SKI: variants seen among roughly 807,000 people sequenced by gnomAD.
SKI encodes ski oncogene.
In SKI, 23 loss-of-function variants were observed where a neutral mutation model predicts 59.3. The ratio of observed to expected loss-of-function variants is 0.39; its 90% confidence interval spans 0.28 to 0.55. SKI has a LOEUF of 0.55. SKI is among the 20% of genes least tolerant of loss of function. SKI has a pLI of 0.67. For missense variants in SKI, 1,017 were observed against 1,038.9 expected, an observed-to-expected ratio of 0.98 and a Z score of 0.29; for synonymous variants, 673 against 488.6, an observed-to-expected ratio of 1.38 and a Z score of -4.98.
At chr1:2,305,134 GACAC>G (rs146052894) in intron 5 of SKI, among the ~76,000 whole-genome samples, 2 of 152,148 alleles carry the variant, frequency 1.3e-5, no homozygotes, top group South Asian at 2.1e-4. Context: ...GGCCCGCACA[GACAC>G]ACACACACCC....
At chr1:2,292,644 C>T (rs1000721104) in intron 1 of SKI, among the ~76,000 whole-genome samples, 3 of 152,314 alleles carry the variant, frequency 2.0e-5, no homozygotes, top group African/African-American at 4.8e-5. Flanking sequence ...TTTTCAGATG[C>T]GGTGCCCACC....
chr1:2,277,940 C>G (rs555222871), intron 1 of SKI, among the ~76,000 whole-genome samples: 2 of 151,966 alleles, frequency 1.3e-5, no homozygotes, highest in South Asian at 2.1e-4. Flanking sequence ...TACACACATG[C>G]ACCAGCACCC....
chr1:2,230,171 C>G (rs1638601306), intron 1 of SKI, among the ~76,000 whole-genome samples: 1 of 152,222 alleles, frequency 6.6e-6, no homozygotes, highest in Non-Finnish European at 1.5e-5. Flanking sequence ...GTCCTCGCCC[C>G]GAAGGCACCC....
chr1:2,285,418 G>C (rs773184188), intron 1 of SKI, among the ~76,000 whole-genome samples: 1 of 151,914 alleles, frequency 6.6e-6, no homozygotes, highest in Non-Finnish European at 1.5e-5. Context: ...GGGAGGCTGA[G>C]GCAGGAGAAT....
At chr1:2,239,260 T>G (rs1402794087) in intron 1 of SKI, among the ~76,000 whole-genome samples, 1 of 152,270 alleles carries the variant, frequency 6.6e-6, no homozygotes, top group African/African-American at 2.4e-5. Context: ...AAAACTGTGA[T>G]TTTTGTTAAC....
At chr1:2,298,901 G>A (rs1350688168) in intron 1 of SKI, among the ~76,000 whole-genome samples, 1 of 152,212 alleles carries the variant, frequency 6.6e-6, no homozygotes. Flanking sequence ...ACTCACTCCC[G>A]CCTCCCCGGA....
At chr1:2,231,745 C>T (rs367905676) in intron 1 of SKI, among the ~76,000 whole-genome samples, 5 of 152,350 alleles carry the variant, frequency 3.3e-5, no homozygotes, top group East Asian at 1.9e-4. Flanking sequence ...CAGTGGTGTC[C>T]TCCGCCTGGC....
chr1:2,303,834 C>T lies in SKI; in HGVS notation c.1212-6C>T, dbSNP rs752765206. 9 of 1,612,392 alleles carry T rather than the reference C, an allele frequency of 5.6e-6. No individual in the cohort carries two copies. Among genetic ancestry groups the T allele is most frequent in the Admixed American group, 3.3e-5 (2 of 59,994 alleles). On this transcript the variant is annotated splice_region_variant and splice_polypyrimidine_tract_variant and intron_variant, in intron 3 of 6. Coordinates refer to ENST00000378536, the MANE Select transcript of SKI (RefSeq NM_003036.4). The surrounding 1 kb of genome is among the most constrained non-coding windows in gnomAD (Gnocchi z 5.6). ...GCACCTTCCCGACACCCGCCTGCCC[C>T]TCCAGCTTCTACTCCTACAAGAGCT... is the stretch of plus-strand genomic sequence containing the variant.
At position 2,308,513 on chromosome 1, in the gene SKI, C is replaced by CGTCAGCG. The variant is rs1204371527; in HGVS notation, c.*1750_*1756dup. The CGTCAGCG allele has an allele frequency of 1.3e-5, 2 of 152,146 alleles. No homozygotes were observed. The highest frequency in any genetic ancestry group is 2.9e-5 in the Non-Finnish European group (2 of 68,046). 9.4% of individuals were successfully genotyped at this position (152,146 alleles called of 1,614,324 possible). A position where few individuals can be genotyped will look rare whatever the true frequency, so the allele number is the denominator to read the frequency against. The stretch of plus-strand genomic sequence containing the variant: ...TCCACACCTCTGCCGTAGGTAGATC[C>CGTCAGCG]GTCAGCGGGCATTATTACCGTGTCT... On this transcript the variant is annotated 3_prime_UTR_variant, in exon 7 of 7. Transcript: ENST00000378536.
chr1:2,251,477 C>T (rs1639146404), intron 1 of SKI, among the ~76,000 whole-genome samples: 1 of 152,144 alleles, frequency 6.6e-6, no homozygotes, highest in Admixed American at 6.5e-5. Context: ...TTTCCCAGCT[C>T]TCAAGCGCCC....
rs1295984096 is a variant in SKI, at chr1:2,228,696, GGGGCGGCGGCGGGGGCCGGGGGGGCCC to G, written c.-65_-39del. 1 of 940,562 alleles carries G rather than the reference GGGGCGGCGGCGGGGGCCGGGGGGGCCC, an allele frequency of 1.1e-6. No individual in the cohort carries two copies. Among genetic ancestry groups the G allele is most frequent in the Non-Finnish European group, 1.3e-6 (1 of 792,736 alleles). 58.3% of individuals were successfully genotyped at this position (940,562 alleles called of 1,614,324 possible). ...GGCCGCGGGCGCCGCCGGGGCGCGC[GGGGCGGCGGCGGGGGCCGGGGGGGCCC>G]GGGCGCGCGGGAGCGGGAGCGGCCG... On this transcript the variant is annotated 5_prime_UTR_variant, in exon 1 of 7. Transcript: ENST00000378536.
At chr1:2,275,694 A>G (rs1639726885) in intron 1 of SKI, among the ~76,000 whole-genome samples, 1 of 152,050 alleles carries the variant, frequency 6.6e-6, no homozygotes, top group Admixed American at 6.5e-5. Context: ...TTGTATTTTT[A>G]GTAGAGACGG....
At chr1:2,300,686 G>C (rs536543650) in intron 1 of SKI, among the ~76,000 whole-genome samples, 37 of 152,212 alleles carry the variant, frequency 2.4e-4, no homozygotes, top group Non-Finnish European at 4.6e-4. Context: ...TGATGCTGCA[G>C]AGAGCCCGCC....
intron 1 of SKI, among the ~76,000 whole-genome samples, chr1:2,291,432 C>T (rs985874105): frequency 4.6e-5 from 7 of 152,194 alleles, no homozygotes; most frequent in East Asian, 1.9e-4. Flanking sequence ...CCAGACTTCC[C>T]GGGGTCAGCA....
chr1:2,241,584 G>A (rs555370844), intron 1 of SKI, among the ~76,000 whole-genome samples: 2 of 152,174 alleles, frequency 1.3e-5, no homozygotes, highest in Non-Finnish European at 2.9e-5. Context: ...TAGTAGAGAC[G>A]GGGTTTTACC....
At chr1:2,259,129 C>T (rs894734609) in intron 1 of SKI, among the ~76,000 whole-genome samples, 9 of 152,332 alleles carry the variant, frequency 5.9e-5, no homozygotes, top group African/African-American at 1.9e-4. Context: ...GACATGGTGG[C>T]TCCTCCGGAA....
At chr1:2,244,627 T>A (rs548369084) in intron 1 of SKI, among the ~76,000 whole-genome samples, 30 of 152,178 alleles carry the variant, frequency 2.0e-4, no homozygotes, top group Non-Finnish European at 4.1e-4. Flanking sequence ...AGTGTCTTTG[T>A]TAATTTGAAA....
intron 1 of SKI, among the ~76,000 whole-genome samples, chr1:2,295,506 C>T (rs1435271274): frequency 6.6e-6 from 1 of 152,146 alleles, no homozygotes; most frequent in Non-Finnish European, 1.5e-5. Context: ...TTTTGTCACC[C>T]CCAACAAGAA....
intron 1 of SKI, among the ~76,000 whole-genome samples, chr1:2,271,829 C>T (rs1639629120): frequency 6.6e-6 from 1 of 152,204 alleles, no homozygotes; most frequent in African/African-American, 2.4e-5. Flanking sequence ...GAGATTCTGA[C>T]ATTGTGCGAT....
Sources: gnomAD v4.1 joint callset for allele counts (sites outside exome capture counted in the v4.1 genomes callset) on GRCh38, gnomAD v4.1.1 for gene constraint, Gnocchi (gnomAD v3.1) non-coding constraint, MANE v1.5 for transcripts, NCBI Gene and HGNC (gene_info 2026-07-23, HGNC 2026-07-21) for gene names.